The following RAB3A variants were observed in gnomAD, a reference collection of about 807,000 sequenced individuals.
RAB3A encodes the protein ras-related protein Rab-3A.
A neutral mutation model predicts 19.7 loss-of-function variants in RAB3A; 5 were observed. The ratio of observed to expected loss-of-function variants is 0.25; its 90% CI spans 0.13 to 0.53. The LOEUF (loss-of-function observed/expected upper bound fraction) is 0.53. RAB3A is among the 20% of genes least tolerant of loss of function. The pLI is 0.95. For missense variants in RAB3A, 189 were observed against 305.6 expected (o/e 0.62, Z 2.85); for synonymous variants, 119 against 122.1 (o/e 0.97, Z 0.17).
rs1967543694 is a variant in RAB3A at position 18,197,382 on chromosome 19, C to T, written c.*88G>A. ...CTAAGTCAGGAGCAGGGGTCTTGTG[C>T]CCGTGGCTGGTAGGGGCCGGGTCAG... On this transcript the variant is annotated 3_prime_UTR_variant, in exon 5 of 5. Transcript: ENST00000222256. 89 of 1,257,256 alleles carry T rather than the reference C, an allele frequency of 7.1e-5. 1 individual carries two copies. In the South Asian group the frequency reaches 1.1e-3, roughly 16 times the overall value. 77.9% of individuals were successfully genotyped at this position (1,257,256 alleles called of 1,614,324 possible).
At position 18,197,455 on chromosome 19, in the gene RAB3A, G is replaced by A; in HGVS notation, c.*15C>T. On this transcript the variant is annotated 3_prime_UTR_variant, in exon 5 of 5. Coordinates refer to ENST00000222256, the MANE Select transcript of RAB3A (RefSeq NM_002866.5). ...GGGGAAGACAGGGAAGAGGGGAAAG[G>A]GAGTGGGATGGCTCTCAGCAGGCGC... The A allele has an allele frequency of 6.2e-7, 1 of 1,604,094 alleles. No homozygotes were observed. The highest frequency in any genetic ancestry group is 8.5e-7 in the Non-Finnish European group (1 of 1,174,238).
chr19:18,201,263 A>AAAGAAAGAAAGAAAG (rs1555819264), intron 2 of RAB3A, among the ~76,000 whole-genome samples: 115 of 121,790 alleles, frequency 9.4e-4, no homozygotes, highest in Non-Finnish European at 1.5e-3. Context: ...AAAAAAAAAA[A>AAAGAAAGAAAGAAAG]AAAGAAAGAA....
intron 2 of RAB3A, among the ~76,000 whole-genome samples, chr19:18,201,110 C>T (rs1448012822): frequency 6.6e-6 from 1 of 151,386 alleles, no homozygotes; most frequent in Non-Finnish European, 1.5e-5. Context: ...TGGCATGCAC[C>T]TGTAATCCCA....
intron 3 of RAB3A, among the ~76,000 whole-genome samples, chr19:18,199,659 G>A (rs1361570715): frequency 1.3e-5 from 2 of 152,018 alleles, no homozygotes; most frequent in African/African-American, 4.8e-5. Flanking sequence ...AAGTAGCTGG[G>A]ATTACAGGTG....
At chr19:18,200,262 G>T in intron 3 of RAB3A, 65 bp downstream of exon 3, 1 of 1,372,046 alleles carries the variant, frequency 7.3e-7, no homozygotes, top group Non-Finnish European at 1.0e-6. Context: ...CAGCCTGGGT[G>T]ACAGAATAAA....
intron 1 of RAB3A, among the ~76,000 whole-genome samples, chr19:18,203,173 ACCTCCAGG>A (rs1471878192): frequency 6.6e-6 from 1 of 152,042 alleles, no homozygotes; most frequent in African/African-American, 2.4e-5. Flanking sequence ...CTCCCCGCAA[ACCTCCAGG>A]CCGGAGAGCT....
chr19:18,197,873 CTTTTTTTTTTTTT>C (rs56264905), intron 4 of RAB3A, among the ~76,000 whole-genome samples: 3 of 90,160 alleles, frequency 3.3e-5, no homozygotes, highest in Non-Finnish European at 4.5e-5. Context: ...GCATTTCCTG[CTTTTTTTTTTTTT>C]TTTTTTTTTT....
chr19:18,203,277 T>C (rs1410528553), intron 1 of RAB3A, among the ~76,000 whole-genome samples: 1 of 152,162 alleles, frequency 6.6e-6, no homozygotes, highest in African/African-American at 2.4e-5. Context: ...CATCCGTACA[T>C]ACAGGAGTGT....
intron 3 of RAB3A, among the ~76,000 whole-genome samples, 169 bp from the exon 4 acceptor site, chr19:18,199,018 C>T (rs150530257): frequency 2.0e-5 from 3 of 152,248 alleles, no homozygotes; most frequent in Admixed American, 2.0e-4. Flanking sequence ...CACCCCACTC[C>T]AGCCCCCGAC....
chr19:18,199,089 C>A (rs973313572), intron 3 of RAB3A, among the ~76,000 whole-genome samples: 3 of 152,104 alleles, frequency 2.0e-5, no homozygotes, highest in African/African-American at 7.2e-5. Flanking sequence ...GGTCTGTTGC[C>A]CAGGCTGGAG....
rs747475326 is a variant in RAB3A at position 18,202,720 on chromosome 19, C to T, written c.21G>A (p.Ser7=). 16 of 1,613,946 alleles carry T rather than the reference C, an allele frequency of 9.9e-6. No homozygotes were observed. Among genetic ancestry groups the T allele is most frequent in the Middle Eastern group, 1.6e-4 (1 of 6,084 alleles). MASATD[S]RYGQKESSDQ... is the part of the protein sequence containing the mutation. The stretch of plus-strand genomic sequence containing the variant: ...CCGAGGACTCCTTCTGCCCATAGCG[C>T]GAGTCTGTGGCGGATGCCATCTGGG... Residue 7 remains serine, a synonymous_variant, in exon 2 of 5, where the codon TCG becomes TCA. Coordinates refer to ENST00000222256, the MANE Select transcript of RAB3A (RefSeq NM_002866.5). The surrounding 1 kb of genome is among the most constrained non-coding windows in gnomAD (Gnocchi z 4.2).
chr19:18,201,883 T>C (rs1359355742), intron 2 of RAB3A, among the ~76,000 whole-genome samples: 1 of 152,050 alleles, frequency 6.6e-6, no homozygotes, highest in Admixed American at 6.6e-5. Context: ...GCGGGAGGAT[T>C]GCTTGAGCCC....
chr19:18,201,044 G>A (rs1967601220), intron 2 of RAB3A, among the ~76,000 whole-genome samples: 1 of 151,862 alleles, frequency 6.6e-6, no homozygotes, highest in African/African-American at 2.4e-5. Context: ...AGACCAGCCT[G>A]GCCAACATGG....
intron 4 of RAB3A, 70 bp downstream of exon 4, chr19:18,198,655 G>A (rs973975073): frequency 6.3e-7 from 1 of 1,588,212 alleles, no homozygotes; most frequent in Non-Finnish European, 8.6e-7. Flanking sequence ...AAGACCTTGG[G>A]TGTGTGCCCT....
rs1007311034 is a variant in RAB3A at position 18,196,909 on chromosome 19, G to GC, written c.*560_*561insG. ...GGTCAGAACAGGTCTGGTGGGCGGG[G>GC]GGGGGGGGGGTCCCAGGGTGGTGAA... On this transcript the variant is annotated 3_prime_UTR_variant, in exon 5 of 5. Transcript: ENST00000222256. The GC allele has an allele frequency of 7.1e-6, 1 of 141,354 alleles. No individual in the cohort carries two copies. The highest frequency in any genetic ancestry group is 2.7e-5 in the African/African-American group (1 of 37,442). 8.8% of individuals were successfully genotyped at this position (141,354 alleles called of 1,614,324 possible). A position where few individuals can be genotyped will look rare whatever the true frequency, so the allele number is the denominator to read the frequency against.
intron 2 of RAB3A, among the ~76,000 whole-genome samples, chr19:18,201,494 G>A (rs1455772309): frequency 3.3e-5 from 5 of 152,106 alleles, no homozygotes; most frequent in African/African-American, 9.7e-5. Flanking sequence ...GCTGAGGCAG[G>A]AGAATCGCTT....
In RAB3A at chr19:18,202,464, G is replaced by C. The variant is rs745524363; in HGVS notation, c.228+49C>G. ...GACGAGGTTGGGGCTGCTTTTCCAA[G>C]TACGGGAATCCAACCGAGCCGGGCG... On this transcript the variant is annotated intron_variant, in intron 2 of 4. Coordinates refer to ENST00000222256, the MANE Select transcript of RAB3A (RefSeq NM_002866.5). The surrounding 1 kb of genome is among the most constrained non-coding windows in gnomAD (Gnocchi z 4.2). The C allele has an allele frequency of 2.0e-6, 3 of 1,536,880 alleles. No individual in the cohort carries two copies. The highest frequency in any genetic ancestry group is 2.7e-6 in the Non-Finnish European group (3 of 1,113,002).
intron 3 of RAB3A, 53 bp from the exon 4 acceptor site, chr19:18,198,902 C>A (rs1967571058): frequency 2.5e-6 from 4 of 1,586,910 alleles, no homozygotes; most frequent in East Asian, 2.3e-5. Context: ...CCCAGCTCCA[C>A]CCTGACGGGC....
intron 2 of RAB3A, among the ~76,000 whole-genome samples, chr19:18,200,910 G>A (rs1765202618): frequency 2.0e-5 from 3 of 151,950 alleles, no homozygotes. Flanking sequence ...AGTTCAGCCT[G>A]GGTGACAGAG....
Sources: allele counts gnomAD v4.1 joint callset (sites outside exome capture counted in the v4.1 genomes callset), GRCh38; gene constraint gnomAD v4.1.1; non-coding constraint Gnocchi (gnomAD v3.1); transcripts MANE v1.5; gene names NCBI Gene and HGNC (gene_info 2026-07-23, HGNC 2026-07-21).